Variants in NT5E observed in about 807,000 individuals in gnomAD.
The protein encoded by NT5E is 5'-nucleotidase.
A neutral mutation model predicts 55.1 loss-of-function variants in NT5E; 53 were observed. The observed-to-expected ratio is 0.96, with a 90% CI of 0.77 to 1.21. The LOEUF (loss-of-function observed/expected upper bound fraction) is 1.21, where lower values mean the gene tolerates loss of function less well. Among genes scored for constraint, NT5E ranks in the 50% most tolerant of loss-of-function variants. NT5E has a pLI of 0.00. For synonymous variants in NT5E, 270 were observed against 278.4 expected (o/e 0.97, Z 0.30); for missense variants, 683 against 724.3 (o/e 0.94, Z 0.65).
At chr6:85,478,263 A>G (rs1582381284) in intron 3 of NT5E, among the ~76,000 whole-genome samples, 1 of 152,310 alleles carries the variant, frequency 6.6e-6, no homozygotes, top group African/African-American at 2.4e-5. Context: ...TCCAAGATGA[A>G]GTGAGACTAT....
At chr6:85,458,996 A>G (rs1769042208) in intron 1 of NT5E, among the ~76,000 whole-genome samples, 1 of 152,232 alleles carries the variant, frequency 6.6e-6, no homozygotes, top group African/African-American at 2.4e-5. Context: ...ATGGAAGCCA[A>G]CCCAACATCA....
Position 85,450,259 on chromosome 6 carries a change from G to C in NT5E, c.120G>C (p.Arg40=), listed in dbSNP as rs749409704. 6.2e-7 allele frequency: 1 copy of C among 1,609,250 alleles called. No homozygotes were observed. Among genetic ancestry groups the C allele is most frequent in the Non-Finnish European group, 8.5e-7 (1 of 1,178,806 alleles). Residue 40 remains arginine (R), a synonymous_variant, in exon 1 of 9, where the codon CGG becomes CGC. Transcript: ENST00000257770. The surrounding 1 kb of genome is among the most constrained non-coding windows in gnomAD (Gnocchi z 4.0). ...TGCACACCAACGACGTGCACAGCCG[G>C]CTGGAGCAGACCAGCGAGGACTCCA... The part of the protein sequence containing the change: ...TILHTNDVHS[R]LEQTSEDSSK...
Position 85,490,643 on chromosome 6 carries a change from T to C in NT5E, c.1346T>C (p.Phe449Ser), listed in dbSNP as rs1769763087. 1.2e-6 allele frequency: 2 copies of C among 1,613,978 alleles called. No individual in the cohort carries two copies. Among genetic ancestry groups the C allele is most frequent in the African/African-American group, 2.7e-5 (2 of 74,922 alleles). ...VHRYGQSTGE[F>S]LQVGGIHVVY... ...CGCTACGGCCAGTCCACTGGAGAGTTCCTGCAGGTGGGCGGTAAGTCACCC... is the reference window on the plus strand; with the variant it reads ...CGCTACGGCCAGTCCACTGGAGAGTCCCTGCAGGTGGGCGGTAAGTCACCC... Residue 449 changes from phenylalanine (F) to serine (S), a missense_variant, in exon 7 of 9, where the codon TTC becomes TCC. Phe to Ser is a radical substitution (Grantham distance 155). Transcript: ENST00000257770.
At chr6:85,455,619 A>T (rs1768973197) in intron 1 of NT5E, among the ~76,000 whole-genome samples, 1 of 152,178 alleles carries the variant, frequency 6.6e-6, no homozygotes, top group Non-Finnish European at 1.5e-5. Flanking sequence ...CTGTCCTAGC[A>T]AGTTAATTGA....
At position 85,450,346 on chromosome 6, in the gene NT5E, G is replaced by T. The variant is rs749316227; in HGVS notation, c.207G>T (p.Gln69His). The part of the protein sequence containing the change: ...GGVARLFTKV[Q>H]QIRRAEPNVL... ...TGGCTCGGCTCTTCACCAAGGTTCAGCAGATCCGCCGCGCCGAACCCAACG... is the reference window on the plus strand; with the variant it reads ...TGGCTCGGCTCTTCACCAAGGTTCATCAGATCCGCCGCGCCGAACCCAACG... Residue 69 changes from glutamine (Q) to histidine (H), a missense_variant, in exon 1 of 9, where the codon CAG becomes CAT. Gln to His is a conservative substitution (Grantham distance 24). Coordinates refer to ENST00000257770, the MANE Select transcript of NT5E (RefSeq NM_002526.4). The surrounding 1 kb of genome is among the most constrained non-coding windows in gnomAD (Gnocchi z 4.0). 1.3e-6 allele frequency: 2 copies of T among 1,595,414 alleles called. No homozygotes were observed. The highest frequency in any genetic ancestry group is 3.5e-5 in the Admixed American group (2 of 56,950).
chr6:85,494,228 C>A lies in NT5E; in HGVS notation c.*224C>A. On this transcript the variant is annotated 3_prime_UTR_variant, in exon 9 of 9. Transcript: ENST00000257770. ...ACATAGGGCCCTATAAGGAGAAAGC[C>A]AACTATGTTAAGTTTACGTGTCCAA... The A allele has an allele frequency of 1.9e-6, 1 of 540,362 alleles. No homozygotes were observed. The highest frequency in any genetic ancestry group is 3.3e-6 in the Non-Finnish European group (1 of 305,828). 33.5% of individuals were successfully genotyped at this position (540,362 alleles called of 1,614,324 possible).
rs749463770 is a variant in NT5E, at chr6:85,490,532, C to T, written c.1235C>T (p.Ala412Val). The T allele has an allele frequency of 1.6e-5, 26 of 1,614,108 alleles. No homozygotes were observed. Among genetic ancestry groups the T allele is most frequent in the Non-Finnish European group, 1.6e-5 (19 of 1,180,036 alleles). ...GGCACAATTACCTGGGAGAACCTGG[C>T]TGCTGTATTGCCCTTTGGAGGCACA... ...NNGTITWENLAAVLPFGGTFD... is the reference protein window; with the variant it reads ...NNGTITWENLVAVLPFGGTFD... Residue 412 changes from alanine to valine, a missense_variant, in exon 7 of 9, where the codon GCT (alanine) becomes GTT (valine). Ala to Val is a moderately conservative substitution (Grantham distance 64). Transcript: ENST00000257770.
chr6:85,455,987 G>A (rs1340537491), intron 1 of NT5E, among the ~76,000 whole-genome samples: 3 of 151,984 alleles, frequency 2.0e-5, no homozygotes, highest in Non-Finnish European at 1.5e-5. Context: ...TCGGGAAGGG[G>A]GCTGGTCGCC....
chr6:85,486,206 TATGAG>T (rs1434832132), intron 4 of NT5E, among the ~76,000 whole-genome samples: 5 of 152,336 alleles, frequency 3.3e-5, no homozygotes, highest in South Asian at 2.1e-4. Context: ...AGAAGTACAG[TATGAG>T]ATAAGAATTT....
At chr6:85,463,156 C>T (rs150925491) in intron 1 of NT5E, among the ~76,000 whole-genome samples, 258 of 152,232 alleles carry the variant, frequency 1.7e-3, no homozygotes, top group African/African-American at 5.7e-3. Context: ...ACCAGATGCT[C>T]ACATTGTATT....
chr6:85,481,621 T>C (rs1769553533), intron 3 of NT5E, among the ~76,000 whole-genome samples: 1 of 152,188 alleles, frequency 6.6e-6, no homozygotes, highest in Non-Finnish European at 1.5e-5. Flanking sequence ...GCCCTCTGGC[T>C]TCAGAAGCTC....
intron 3 of NT5E, among the ~76,000 whole-genome samples, chr6:85,478,310 A>G (rs1769476278): frequency 6.6e-6 from 1 of 152,196 alleles, no homozygotes. Context: ...CTACAGAACG[A>G]ATGGCAGTCC....
At chr6:85,461,901 T>A (rs1769105631) in intron 1 of NT5E, among the ~76,000 whole-genome samples, 1 of 151,986 alleles carries the variant, frequency 6.6e-6, no homozygotes, top group Non-Finnish European at 1.5e-5. Context: ...TCCCCACTCC[T>A]CCCTATCCTG....
chr6:85,481,811 A>C (rs1233244062), intron 3 of NT5E, among the ~76,000 whole-genome samples: 9 of 152,216 alleles, frequency 5.9e-5, no homozygotes. Context: ...GAAATATCTA[A>C]AACCAGGAAG....
chr6:85,465,209 G>A (rs1439951887), intron 1 of NT5E, among the ~76,000 whole-genome samples: 4 of 152,180 alleles, frequency 2.6e-5, no homozygotes, highest in Non-Finnish European at 5.9e-5. Context: ...CTCAAGTTAG[G>A]ATGGGGAGGT....
At chr6:85,460,335 T>A (rs1461988624) in intron 1 of NT5E, among the ~76,000 whole-genome samples, 1 of 152,194 alleles carries the variant, frequency 6.6e-6, no homozygotes, top group East Asian at 1.9e-4. Flanking sequence ...CTTATCCCCA[T>A]ACTGCAAGGA....
intron 3 of NT5E, among the ~76,000 whole-genome samples, chr6:85,477,321 T>C (rs1389965476): frequency 1.3e-5 from 2 of 152,184 alleles, no homozygotes; most frequent in Non-Finnish European, 2.9e-5. Context: ...GTAAGATTTC[T>C]TTATTTGATT....
chr6:85,469,703 C>G (rs1373337748), intron 2 of NT5E, among the ~76,000 whole-genome samples: 1 of 152,172 alleles, frequency 6.6e-6, no homozygotes, highest in Non-Finnish European at 1.5e-5. Context: ...ACAACAGTGG[C>G]AAAACTACAA....
At chr6:85,469,423 A>G (rs1769260564) in intron 2 of NT5E, among the ~76,000 whole-genome samples, 1 of 152,058 alleles carries the variant, frequency 6.6e-6, no homozygotes, top group African/African-American at 2.4e-5. Context: ...AAAAAAAAAA[A>G]GTTGCCCACT....
Sources: gnomAD v4.1 joint callset for allele counts (sites outside exome capture counted in the v4.1 genomes callset) on GRCh38, gnomAD v4.1.1 for gene constraint, Gnocchi (gnomAD v3.1) non-coding constraint, MANE v1.5 for transcripts, NCBI Gene and HGNC (gene_info 2026-07-23, HGNC 2026-07-21) for gene names.